GOLGA5: variants seen among roughly 807,000 people sequenced by gnomAD.
The protein encoded by GOLGA5 is golgin subfamily A member 5.
GOLGA5 carries 50 observed loss-of-function variants against 93.5 expected under a neutral mutation model. That is an observed-to-expected ratio of 0.53 (90% confidence interval 0.43 to 0.68). GOLGA5 has a LOEUF of 0.68. Ranked by LOEUF, GOLGA5 falls within the 30% of genes least tolerant of loss-of-function variation. The pLI is 0.00. For missense variants in GOLGA5, 760 were observed against 856.4 expected, an observed-to-expected ratio of 0.89 and a Z score of 1.40; for synonymous variants, 312 against 304.5, an observed-to-expected ratio of 1.02 and a Z score of -0.26.
At position 92,839,500 on chromosome 14, in the gene GOLGA5, CAAG is replaced by C. The variant is rs2140341152; in HGVS notation, c.*58_*60del. 6.9e-6 allele frequency: 8 copies of C among 1,164,286 alleles called. No individual in the cohort carries two copies. The highest frequency in any genetic ancestry group is 1.0e-5 in the Non-Finnish European group (8 of 780,816). 72.1% of individuals were successfully genotyped at this position (1,164,286 alleles called of 1,614,324 possible). A position where few individuals can be genotyped will look rare whatever the true frequency, so the allele number is the denominator to read the frequency against. On this transcript the variant is annotated 3_prime_UTR_variant, in exon 13 of 13. Transcript: ENST00000163416. ...TGTCTTTTTCTAGACTTGGGATCTG[CAAG>C]AAGGCCAATTGCCTAAAATTTCTGA...
intron 7 of GOLGA5, among the ~76,000 whole-genome samples, chr14:92,818,065 A>T (rs1885245493): frequency 6.6e-6 from 1 of 152,156 alleles, no homozygotes; most frequent in African/African-American, 2.4e-5. Context: ...CTGCAAACTT[A>T]GAAATTGGGT....
intron 8 of GOLGA5, among the ~76,000 whole-genome samples, chr14:92,821,779 G>A (rs781008239): frequency 8.5e-5 from 13 of 152,116 alleles, no homozygotes; most frequent in Non-Finnish European, 1.5e-4. Context: ...AAGTAACAAC[G>A]TGCAGGGTAT....
Position 92,806,905 on chromosome 14 carries a change from T to C in GOLGA5, c.714T>C (p.Val238=). Residue 238 remains valine (V), a synonymous_variant, in exon 3 of 13, where the codon GTT becomes GTC. Coordinates refer to ENST00000163416, the MANE Select transcript of GOLGA5 (RefSeq NM_005113.4). ...AGAATCAGCTGCTGAGGAATGAAGTTCAGTCTTTAAATCAAGAAATGGCCT... is the reference window on the plus strand; with the variant it reads ...AGAATCAGCTGCTGAGGAATGAAGTCCAGTCTTTAAATCAAGAAATGGCCT... ...RLENQLLRNE[V]QSLNQEMASL... is the part of the protein sequence containing the mutation. The C allele has an allele frequency of 6.2e-7, 1 of 1,613,892 alleles. No individual in the cohort carries two copies. Among genetic ancestry groups the C allele is most frequent in the Non-Finnish European group, 8.5e-7 (1 of 1,179,778 alleles).
At chr14:92,822,726 G>A (rs1344119918) in intron 8 of GOLGA5, among the ~76,000 whole-genome samples, 4 of 152,040 alleles carry the variant, frequency 2.6e-5, no homozygotes, top group African/African-American at 9.7e-5. Flanking sequence ...GCGCGATCTC[G>A]GCTCACTGCA....
chr14:92,836,837 G>T (rs1316391844), intron 11 of GOLGA5, among the ~76,000 whole-genome samples: 1 of 152,194 alleles, frequency 6.6e-6, no homozygotes, highest in Non-Finnish European at 1.5e-5. Context: ...GGCTGAGGCA[G>T]GCGGATCACC....
At chr14:92,809,571 GT>G in intron 4 of GOLGA5, 52 bp downstream of exon 4, 1 of 1,082,664 alleles carries the variant, frequency 9.2e-7, no homozygotes, top group Non-Finnish European at 1.4e-6. Context: ...GGTAAACATT[GT>G]AGTGTATCCA....
intron 5 of GOLGA5, chr14:92,810,630 C>T (rs17128584): frequency 0.076 from 17,576 of 231,916 alleles, 930 homozygotes; most frequent in South Asian, 0.19. Flanking sequence ...ATTTTTGCAA[C>T]AATCATTGTC....
chr14:92,809,628 C>A (rs1885064208), intron 4 of GOLGA5, 109 bp downstream of exon 4: 1 of 710,632 alleles, frequency 1.4e-6, no homozygotes, highest in Admixed American at 2.5e-5. Context: ...GGGAATATTT[C>A]TTTTGGTAGT....
intron 9 of GOLGA5, among the ~76,000 whole-genome samples, chr14:92,826,800 C>A (rs1174777062): frequency 6.6e-6 from 1 of 151,768 alleles, no homozygotes; most frequent in Non-Finnish European, 1.5e-5. Context: ...ATTAGACTTG[C>A]AAAGTTACCA....
intron 1 of GOLGA5, among the ~76,000 whole-genome samples, chr14:92,795,050 A>G (rs762934777): frequency 6.6e-6 from 1 of 151,526 alleles, no homozygotes; most frequent in Non-Finnish European, 1.5e-5. Flanking sequence ...TTAAAGCCCA[A>G]TTAATTTTGA....
intron 7 of GOLGA5, 107 bp downstream of exon 7, chr14:92,816,528 CTTCG>C (rs1885210716): frequency 1.3e-5 from 7 of 546,878 alleles, no homozygotes; most frequent in African/African-American, 2.0e-4. Flanking sequence ...TCTCGCTTCT[CTTCG>C]CTTCGCTTCG....
intron 10 of GOLGA5, among the ~76,000 whole-genome samples, chr14:92,834,197 T>TA (rs1285060918): frequency 7.0e-6 from 1 of 142,298 alleles, no homozygotes; most frequent in Non-Finnish European, 1.5e-5. Context: ...TTTTTTTTTA[T>TA]TTTATTTTTT....
intron 4 of GOLGA5, 22 bp downstream of exon 4, chr14:92,809,541 G>GA (rs1371924197): frequency 2.1e-6 from 3 of 1,435,690 alleles, no homozygotes; most frequent in Middle Eastern, 2.1e-4. Context: ...TATGAATAAT[G>GA]AAAAAAATGA....
At chr14:92,816,908 CTCCTTTCTTTCCT>C (rs945543918) in intron 7 of GOLGA5, among the ~76,000 whole-genome samples, 8 of 150,168 alleles carry the variant, frequency 5.3e-5, no homozygotes, top group African/African-American at 9.9e-5. Flanking sequence ...TTTCCTTTCT[CTCCTTTCTTTCCT>C]TCCTTTCTTT....
intron 2 of GOLGA5, among the ~76,000 whole-genome samples, chr14:92,803,989 T>C (rs1884928628): frequency 6.6e-6 from 1 of 152,226 alleles, no homozygotes; most frequent in African/African-American, 2.4e-5. Context: ...CTTTTGGTTA[T>C]GCTGATCCTC....
intron 6 of GOLGA5, 65 bp downstream of exon 6, chr14:92,811,819 C>A: frequency 8.9e-7 from 1 of 1,128,818 alleles, no homozygotes; most frequent in Non-Finnish European, 1.3e-6. Context: ...CAATTTGAGA[C>A]TGTGTAGATA....
Position 92,837,399 on chromosome 14 carries a change from A to T in GOLGA5, c.2065A>T (p.Ile689Phe). 1 of 1,543,384 alleles carries T rather than the reference A, an allele frequency of 6.5e-7. No individual in the cohort carries two copies. The highest frequency in any genetic ancestry group is 1.1e-5 in the South Asian group (1 of 89,296). ...SIDQFSIRLGIFLRRYPIARV... is the reference protein window; with the variant it reads ...SIDQFSIRLGFFLRRYPIARV... Reference sequence around the variant, plus strand: ...GTGTCTGCACAGTATTCGCCTGGGAATTTTTCTCCGAAGATACCCCATAGC... The same window carrying T: ...GTGTCTGCACAGTATTCGCCTGGGATTTTTTCTCCGAAGATACCCCATAGC... The change falls in exon 12 of 13, where the codon ATT (isoleucine) becomes TTT (phenylalanine). Residue 689 changes from isoleucine to phenylalanine, a missense_variant. Coordinates refer to ENST00000163416, the MANE Select transcript of GOLGA5 (RefSeq NM_005113.4).
At chr14:92,836,661 A>G (rs1306162759) in intron 11 of GOLGA5, among the ~76,000 whole-genome samples, 1 of 152,184 alleles carries the variant, frequency 6.6e-6, no homozygotes, top group Non-Finnish European at 1.5e-5. Context: ...GTATCTATAC[A>G]AAAGCTTCTA....
chr14:92,839,008 A>C (rs1273572162), intron 12 of GOLGA5, among the ~76,000 whole-genome samples: 1 of 152,214 alleles, frequency 6.6e-6, no homozygotes, highest in Non-Finnish European at 1.5e-5. Context: ...ACATTGGTTA[A>C]ACTCTCTTTC....
Sources: allele counts gnomAD v4.1 joint callset (sites outside exome capture counted in the v4.1 genomes callset), GRCh38; gene constraint gnomAD v4.1.1; transcripts MANE v1.5; gene names NCBI Gene and HGNC (gene_info 2026-07-23, HGNC 2026-07-21).